GTF2IRD1: variants seen among roughly 807,000 people sequenced by gnomAD.
GTF2IRD1 encodes GTF2I repeat domain containing 1.
In GTF2IRD1, 26 loss-of-function variants were observed where a neutral mutation model predicts 113.2. That is an observed-to-expected ratio of 0.23 (90% CI 0.17 to 0.32). The LOEUF is 0.32. GTF2IRD1 is among the 10% of genes least tolerant of loss of function. The probability of loss-of-function intolerance (pLI) is 1.00; values close to 1 mark genes in which losing one functional copy is unlikely to be tolerated. For missense variants in GTF2IRD1, 864 were observed against 1,280.8 expected (o/e 0.67, Z 4.97); for synonymous variants, 484 against 529.1 (o/e 0.91, Z 1.17).
At chr7:74,476,680 AC>A (rs1554333609) in intron 1 of GTF2IRD1, among the ~76,000 whole-genome samples, 4 of 151,912 alleles carry the variant, frequency 2.6e-5, no homozygotes. Flanking sequence ...GCCCAAGCTG[AC>A]CTTGGCCCCA....
chr7:74,559,539 G>A, intron 21 of GTF2IRD1, 88 bp from the exon 22 acceptor site: 1 of 1,206,038 alleles, frequency 8.3e-7, no homozygotes, highest in Non-Finnish European at 1.2e-6. Flanking sequence ...GGTGCTCCCA[G>A]GGGAGACCGA....
At chr7:74,461,546 G>A (rs997761595) in intron 1 of GTF2IRD1, among the ~76,000 whole-genome samples, 1 of 152,088 alleles carries the variant, frequency 6.6e-6, no homozygotes, top group African/African-American at 2.4e-5. Flanking sequence ...CCCAGCCCCC[G>A]GCTGGCACAT....
rs1458087917 is a variant in GTF2IRD1 at position 74,479,116 on chromosome 7, G to A, written c.-7+24940G>A. Among the ~76,000 whole-genome samples the A allele has an allele frequency of 2.6e-5, 4 of 151,974 alleles. No homozygotes were observed. In the East Asian group the frequency reaches 5.8e-4, roughly 22 times the overall value. On this transcript the variant is annotated intron_variant, in intron 1 of 26. Coordinates refer to ENST00000424337, the MANE Select transcript of GTF2IRD1 (RefSeq NM_005685.4). ...CTGGCTGTCTCTGGCCTGGGCTGTCGCAGAGACTTGGCAACTCCTGGCTCC... is the reference window on the plus strand; with the variant it reads ...CTGGCTGTCTCTGGCCTGGGCTGTCACAGAGACTTGGCAACTCCTGGCTCC...
At chr7:74,583,275 A>G (rs144750161) in intron 22 of GTF2IRD1, among the ~76,000 whole-genome samples, 6 of 151,368 alleles carry the variant, frequency 4.0e-5, no homozygotes, top group African/African-American at 9.7e-5. Flanking sequence ...TGCAACATTG[A>G]CCTTCCAGGC....
chr7:74,597,295 G>A lies in GTF2IRD1; in HGVS notation c.2629+2244G>A, dbSNP rs587704292. On this transcript the variant is annotated intron_variant, in intron 25 of 26. Transcript: ENST00000424337. The stretch of plus-strand genomic sequence containing the variant: ...CTGACCTCATGATCTACCTGCCTCG[G>A]CCCCCCAAAGTGCTGGGATTACAGG... Among the ~76,000 whole-genome samples, 14 of 150,872 alleles carry A rather than the reference G, an allele frequency of 9.3e-5. No homozygotes were observed. In the East Asian group the frequency reaches 2.7e-3, roughly 30 times the overall value.
intron 13 of GTF2IRD1, among the ~76,000 whole-genome samples, chr7:74,539,676 G>A (rs1554351217): frequency 1.3e-5 from 2 of 152,094 alleles, no homozygotes; most frequent in African/African-American, 2.4e-5. Context: ...CCCGGGAGGC[G>A]GAGGTTACAG....
chr7:74,582,991 A>C (rs1801505455), intron 22 of GTF2IRD1, among the ~76,000 whole-genome samples: 1 of 151,888 alleles, frequency 6.6e-6, no homozygotes, highest in Non-Finnish European at 1.5e-5. Context: ...AAAAAAAAAA[A>C]CCACGTAATT....
chr7:74,600,792 C>T (rs955811838), intron 25 of GTF2IRD1, among the ~76,000 whole-genome samples: 13 of 151,992 alleles, frequency 8.6e-5, no homozygotes, highest in South Asian at 2.1e-4. Context: ...GATGAGGATA[C>T]GGTGTTAGCA....
At chr7:74,557,199 C>G (rs1328592936) in intron 19 of GTF2IRD1, among the ~76,000 whole-genome samples, 1 of 152,160 alleles carries the variant, frequency 6.6e-6, no homozygotes, top group Admixed American at 6.5e-5. Flanking sequence ...TGGGAGCCGC[C>G]AGGCCCATCC....
rs1554345364 is a variant in GTF2IRD1, at chr7:74,519,447, T to C, written c.644T>C (p.Val215Ala). Residue 215 changes from valine to alanine, a missense_variant, in exon 6 of 27, where the codon GTG (valine) becomes GCG (alanine). Physicochemically the swap from Val to Ala is moderately conservative, Grantham distance 64 (BLOSUM62 0). This residue lies in a region of GTF2IRD1 where 195 missense variants were observed against 196.6 expected (regional missense o/e 0.99). Transcript: ENST00000424337. ...EDGGRDSKAL[V>A]ELNGVSLIPK... ...GGCGGGCGGGACTCGAAGGCCCTGG[T>C]GGAGCTGAACGGTGTCTCCCTGATT... 3.2e-6 allele frequency: 5 copies of C among 1,562,060 alleles called. No individual in the cohort carries two copies. Among genetic ancestry groups the C allele is most frequent in the Non-Finnish European group, 3.5e-6 (4 of 1,154,944 alleles).
Position 74,539,945 on chromosome 7 carries a change from G to C in GTF2IRD1, c.1595G>C (p.Gly532Ala). ...GGGCACCTGCCATCGGAGGATTCTG[G>C]TTATGGGATGGAGATGCTGACAGGT... ...MPGHLPSEDS[G>A]YGMEMLTDKG... is the part of the protein sequence containing the mutation. Residue 532 changes from glycine to alanine, a missense_variant, in exon 14 of 27, where the codon GGT (glycine) becomes GCT (alanine). Gly to Ala is a moderately conservative substitution (Grantham distance 60). Around this residue, in one of 7 missense-constraint regions of GTF2IRD1, gnomAD observed 218 missense variants for 352.6 expected, o/e 0.62. Transcript: ENST00000424337. 6.2e-7 allele frequency: 1 copy of C among 1,613,160 alleles called. No homozygotes were observed. The highest frequency in any genetic ancestry group is 8.5e-7 in the Non-Finnish European group (1 of 1,179,354).
chr7:74,491,643 G>T (rs975044491), intron 1 of GTF2IRD1, among the ~76,000 whole-genome samples: 2 of 152,084 alleles, frequency 1.3e-5, no homozygotes, highest in African/African-American at 4.8e-5. Context: ...CCATGTCCCT[G>T]CAAAGAACAT....
intron 14 of GTF2IRD1, among the ~76,000 whole-genome samples, chr7:74,543,105 C>G (rs1798722089): frequency 6.6e-6 from 1 of 152,040 alleles, no homozygotes; most frequent in African/African-American, 2.4e-5. Flanking sequence ...GAGTTCGAGA[C>G]CAGCCTGCCC....
At chr7:74,495,824 C>A (rs782588811) in intron 1 of GTF2IRD1, among the ~76,000 whole-genome samples, 1 of 152,194 alleles carries the variant, frequency 6.6e-6, no homozygotes, top group Non-Finnish European at 1.5e-5. Context: ...GAGTGTGGGG[C>A]TCTGGAGGGA....
intron 22 of GTF2IRD1, among the ~76,000 whole-genome samples, chr7:74,569,964 C>T (rs1665540856): frequency 6.6e-6 from 1 of 151,960 alleles, no homozygotes; most frequent in Non-Finnish European, 1.5e-5. Flanking sequence ...CCCGGGGCAT[C>T]GGAGGAAAGG....
chr7:74,456,415 G>A (rs1554327243), intron 1 of GTF2IRD1, among the ~76,000 whole-genome samples: 1 of 152,216 alleles, frequency 6.6e-6, no homozygotes, highest in Non-Finnish European at 1.5e-5. Context: ...CGGGCGCAGT[G>A]GCTCACGCCT....
intron 22 of GTF2IRD1, among the ~76,000 whole-genome samples, chr7:74,567,840 C>CAG (rs1435655903): frequency 6.6e-6 from 1 of 152,100 alleles, no homozygotes; most frequent in Non-Finnish European, 1.5e-5. Context: ...GGCTGGAGTG[C>CAG]AGTGGCGTGA....
At chr7:74,457,877 G>GTTTTTTTT (rs1219714627) in intron 1 of GTF2IRD1, among the ~76,000 whole-genome samples, 1 of 122,778 alleles carries the variant, frequency 8.1e-6, no homozygotes, top group Non-Finnish European at 1.7e-5. Context: ...TTACGTTTTT[G>GTTTTTTTT]TTTTTTTTTT....
chr7:74,497,404 C>T (rs1364629725), intron 1 of GTF2IRD1, among the ~76,000 whole-genome samples: 1 of 152,142 alleles, frequency 6.6e-6, no homozygotes, highest in East Asian at 1.9e-4. Flanking sequence ...GCTGGGACTA[C>T]AGGTGTGCAC....
Sources: allele counts gnomAD v4.1 joint callset (sites outside exome capture counted in the v4.1 genomes callset), GRCh38; gene constraint gnomAD v4.1.1; regional missense constraint gnomAD v4.1.1; transcripts MANE v1.5; gene names NCBI Gene and HGNC (gene_info 2026-07-23, HGNC 2026-07-21).